The following ZBTB49 variants were observed in gnomAD, a reference collection of about 807,000 sequenced individuals.
The protein encoded by ZBTB49 is zinc finger and BTB domain-containing protein 49.
ZBTB49 carries 43 observed loss-of-function variants against 57.5 expected under a neutral mutation model. The observed-to-expected ratio is 0.75, with a 90% CI of 0.59 to 0.97. ZBTB49 has a LOEUF of 0.97. Ranked by LOEUF, ZBTB49 falls within the 50% of genes least tolerant of loss-of-function variation. ZBTB49 has a pLI of 0.00. For missense variants in ZBTB49, 938 were observed against 947.7 expected, an observed-to-expected ratio of 0.99 and a Z score of 0.13; for synonymous variants, 369 against 362.1, an observed-to-expected ratio of 1.02 and a Z score of -0.22.
chr4:4,309,388 A>G (rs778687152), intron 4 of ZBTB49, among the ~76,000 whole-genome samples: 14 of 152,212 alleles, frequency 9.2e-5, no homozygotes, highest in Non-Finnish European at 1.5e-5. Flanking sequence ...GTCAGAGGGA[A>G]GTGTTTCCTC....
intron 1 of ZBTB49, among the ~76,000 whole-genome samples, chr4:4,294,804 C>T (rs183599038): frequency 1.3e-5 from 2 of 151,374 alleles, no homozygotes; most frequent in East Asian, 1.9e-4. Context: ...ACCTAATATA[C>T]CTAGACATTT....
At chr4:4,298,914 G>GT (rs1489971800) in intron 1 of ZBTB49, among the ~76,000 whole-genome samples, 1 of 152,196 alleles carries the variant, frequency 6.6e-6, no homozygotes, top group African/African-American at 2.4e-5. Context: ...ACTTTCGTGT[G>GT]TGTGTTTCCC....
chr4:4,318,162 G>C (rs564192960), intron 7 of ZBTB49, among the ~76,000 whole-genome samples: 3 of 152,100 alleles, frequency 2.0e-5, no homozygotes, highest in Non-Finnish European at 4.4e-5. Flanking sequence ...AGCTCCTCTC[G>C]ACTCGAAAGA....
chr4:4,291,879 C>T (rs1183030048), intron 1 of ZBTB49, among the ~76,000 whole-genome samples: 1 of 152,178 alleles, frequency 6.6e-6, no homozygotes, highest in Admixed American at 6.5e-5. Flanking sequence ...GCCTGTAATC[C>T]CAGCGCTTTG....
intron 7 of ZBTB49, among the ~76,000 whole-genome samples, chr4:4,318,997 C>A (rs1435480264): frequency 2.7e-5 from 4 of 149,416 alleles, no homozygotes; most frequent in African/African-American, 7.4e-5. Context: ...CACAGGCAGT[C>A]CTCTCGCCTC....
At chr4:4,291,200 T>G (rs562324904) in intron 1 of ZBTB49, among the ~76,000 whole-genome samples, 15 of 152,308 alleles carry the variant, frequency 9.8e-5, no homozygotes, top group African/African-American at 3.1e-4. Context: ...CAACAGAAAT[T>G]TATTATTTTC....
rs886707920 is a variant in ZBTB49 at position 4,302,297 on chromosome 4, C to T, written c.461C>T (p.Pro154Leu). Residue 154 changes from proline to leucine, a missense_variant, in exon 3 of 8, where the codon CCT becomes CTT. Around this residue, in one of 3 missense-constraint regions of ZBTB49, gnomAD observed 835 missense variants for 819.1 expected, o/e 1.02. Coordinates refer to ENST00000337872, the MANE Select transcript of ZBTB49 (RefSeq NM_145291.4). ...TGTGTTATCAGTGAAAACTACCCCCCTCATTTACTGCAGGAATGTTCAGCA... is the reference window on the plus strand; with the variant it reads ...TGTGTTATCAGTGAAAACTACCCCCTTCATTTACTGCAGGAATGTTCAGCA... ...ATCVISENYP[P>L]HLLQECSADA... 6.2e-7 allele frequency: 1 copy of T among 1,614,144 alleles called. No individual in the cohort carries two copies. The highest frequency in any genetic ancestry group is 8.5e-7 in the Non-Finnish European group (1 of 1,179,964).
chr4:4,293,018 T>A (rs1470506372), intron 1 of ZBTB49, among the ~76,000 whole-genome samples: 1 of 151,290 alleles, frequency 6.6e-6, no homozygotes, highest in Admixed American at 6.6e-5. Flanking sequence ...TTGTATAGAT[T>A]TGTAGCTTTT....
intron 1 of ZBTB49, among the ~76,000 whole-genome samples, 172 bp downstream of exon 1, chr4:4,290,524 A>T (rs917941157): frequency 6.6e-6 from 1 of 152,222 alleles, no homozygotes; most frequent in African/African-American, 2.4e-5. Context: ...TGCGAGAGTC[A>T]GCGAGCATTT....
chr4:4,290,574 C>T (rs751843127), intron 1 of ZBTB49, among the ~76,000 whole-genome samples: 6 of 152,232 alleles, frequency 3.9e-5, no homozygotes, highest in Non-Finnish European at 7.3e-5. Context: ...GACTGAGACC[C>T]AGACGGCCAG....
chr4:4,291,945 A>G lies in ZBTB49; in HGVS notation c.-20+1593A>G, dbSNP rs145632720. Among the ~76,000 whole-genome samples, 7 of 152,276 alleles carry G rather than the reference A, an allele frequency of 4.6e-5. 1 individual carries two copies. In the East Asian group the frequency reaches 9.7e-4, roughly 21 times the overall value. ...AGAGATAGAGACCAGCCTGGCCAAC[A>G]TGGTGAAACCCTGTAAACCCCATCT... On this transcript the variant is annotated intron_variant, in intron 1 of 7. Transcript: ENST00000337872.
intron 7 of ZBTB49, among the ~76,000 whole-genome samples, chr4:4,320,305 C>T (rs1721352783): frequency 6.6e-6 from 1 of 152,306 alleles, no homozygotes; most frequent in Admixed American, 6.5e-5. Context: ...AGAAGCACCT[C>T]CCACAGGAAT....
At chr4:4,297,459 C>G (rs1720263923) in intron 1 of ZBTB49, among the ~76,000 whole-genome samples, 5 of 152,138 alleles carry the variant, frequency 3.3e-5, no homozygotes, top group Admixed American at 3.3e-4. Flanking sequence ...CTGGGAAGAT[C>G]ACAGAGGAGC....
In ZBTB49 at chr4:4,319,714, G is replaced by A. The variant is rs185269392; in HGVS notation, c.1622-926G>A. Among the ~76,000 whole-genome samples, 329 of 152,020 alleles carry A rather than the reference G, an allele frequency of 2.2e-3. 1 individual carries two copies. Among genetic ancestry groups the A allele is most frequent in the African/African-American group, 7.0e-3 (291 of 41,462 alleles). On this transcript the variant is annotated intron_variant, in intron 7 of 7. Coordinates refer to ENST00000337872, the MANE Select transcript of ZBTB49 (RefSeq NM_145291.4). ...CACACCTTGTAAATCCCAGCTACTC[G>A]GGAGGCTGTGACATGAGAATCGCTT...
intron 7 of ZBTB49, among the ~76,000 whole-genome samples, chr4:4,316,656 C>T (rs1166351634): frequency 1.3e-5 from 2 of 152,192 alleles, no homozygotes; most frequent in African/African-American, 4.8e-5. Context: ...ATAAGAAATG[C>T]ACAGAGTCCA....
intron 1 of ZBTB49, among the ~76,000 whole-genome samples, chr4:4,291,590 A>G (rs1463439705): frequency 6.6e-6 from 1 of 152,230 alleles, no homozygotes; most frequent in African/African-American, 2.4e-5. Context: ...GCTTAAAAGC[A>G]GGGTGCTCAA....
At chr4:4,313,473 C>G (rs920798418) in intron 5 of ZBTB49, among the ~76,000 whole-genome samples, 3 of 152,034 alleles carry the variant, frequency 2.0e-5, no homozygotes, top group African/African-American at 7.2e-5. Context: ...GGAAATGGGA[C>G]TTGGCAGCTG....
chr4:4,315,306 C>T (rs1721139940), intron 5 of ZBTB49, among the ~76,000 whole-genome samples: 1 of 152,132 alleles, frequency 6.6e-6, no homozygotes, highest in South Asian at 2.1e-4. Context: ...ACTGGGGAGA[C>T]TCCTTTTTCA....
chr4:4,312,035 C>CAA (rs1292469877), intron 4 of ZBTB49, among the ~76,000 whole-genome samples: 2 of 152,084 alleles, frequency 1.3e-5, no homozygotes, highest in East Asian at 3.9e-4. Flanking sequence ...ATTTAAAATG[C>CAA]AATTTGCAAA....
Sources: allele counts gnomAD v4.1 joint callset (sites outside exome capture counted in the v4.1 genomes callset), GRCh38; gene constraint gnomAD v4.1.1; regional missense constraint gnomAD v4.1.1; transcripts MANE v1.5; gene names NCBI Gene and HGNC (gene_info 2026-07-23, HGNC 2026-07-21).